The following ZBTB20 variants were observed in gnomAD, a reference collection of about 807,000 sequenced individuals.
The protein encoded by ZBTB20 is zinc finger and BTB domain-containing protein 20.
A neutral mutation model predicts 56.9 loss-of-function variants in ZBTB20; 9 were observed. The observed-to-expected ratio is 0.16, with a 90% CI of 0.10 to 0.28. The LOEUF is 0.28. Ranked by LOEUF, ZBTB20 falls within the 10% of genes least tolerant of loss-of-function variation. The probability of loss-of-function intolerance (pLI) is 1.00; values close to 1 mark genes in which losing one functional copy is unlikely to be tolerated. For missense variants in ZBTB20, 655 were observed against 1,003.0 expected, an observed-to-expected ratio of 0.65 and a Z score of 4.69; for synonymous variants, 417 against 420.7, an observed-to-expected ratio of 0.99 and a Z score of 0.11.
intron 2 of ZBTB20, among the ~76,000 whole-genome samples, chr3:114,975,309 T>C (rs2078052148): frequency 6.6e-6 from 1 of 152,168 alleles, no homozygotes; most frequent in Non-Finnish European, 1.5e-5. Context: ...TGATGCCACA[T>C]TTACTAATAA....
intron 7 of ZBTB20, among the ~76,000 whole-genome samples, chr3:114,422,730 G>A (rs1158068129): frequency 1.3e-5 from 2 of 152,028 alleles, no homozygotes; most frequent in African/African-American, 4.8e-5. Flanking sequence ...TGATTATTTA[G>A]GTAACACTAA....
chr3:114,856,800 G>T (rs1326728214), intron 4 of ZBTB20, among the ~76,000 whole-genome samples: 1 of 152,006 alleles, frequency 6.6e-6, no homozygotes, highest in Non-Finnish European at 1.5e-5. Context: ...ATCTTGTCAG[G>T]GGAGAAGGTT....
At chr3:115,046,585 T>C (rs999788741) in intron 2 of ZBTB20, among the ~76,000 whole-genome samples, 3 of 152,228 alleles carry the variant, frequency 2.0e-5, no homozygotes, top group South Asian at 2.1e-4. Context: ...TTGATATGTA[T>C]GACTTAATAA....
intron 3 of ZBTB20, among the ~76,000 whole-genome samples, chr3:114,909,840 T>C (rs1304909969): frequency 1.3e-5 from 2 of 151,852 alleles, no homozygotes; most frequent in African/African-American, 2.4e-5. Context: ...TAAGTTAATA[T>C]GCTAAAAAGA....
intron 3 of ZBTB20, among the ~76,000 whole-genome samples, chr3:114,949,911 C>T (rs904694219): frequency 1.3e-5 from 2 of 151,892 alleles, no homozygotes; most frequent in Non-Finnish European, 2.9e-5. Context: ...AAAACAGAAA[C>T]AAACCCAACT....
intron 6 of ZBTB20, among the ~76,000 whole-genome samples, chr3:114,504,167 C>T (rs1489135963): frequency 6.6e-6 from 1 of 152,128 alleles, no homozygotes; most frequent in Non-Finnish European, 1.5e-5. Context: ...GTGGTTAGAG[C>T]CACACAGGCT....
chr3:114,750,533 A>T (rs555660871), intron 5 of ZBTB20, among the ~76,000 whole-genome samples: 40 of 152,228 alleles, frequency 2.6e-4, no homozygotes, highest in Non-Finnish European at 5.1e-4. Flanking sequence ...GGCTAGCTGC[A>T]GAAAATACAA....
chr3:114,349,896 C>T (rs1327731609), intron 11 of ZBTB20, among the ~76,000 whole-genome samples: 1 of 152,330 alleles, frequency 6.6e-6, no homozygotes, highest in East Asian at 1.9e-4. Flanking sequence ...TTAGTAGTAG[C>T]TAAGCCTGAA....
chr3:115,140,083 T>C (rs1210573194), intron 1 of ZBTB20, among the ~76,000 whole-genome samples: 1 of 151,950 alleles, frequency 6.6e-6, no homozygotes, highest in South Asian at 2.1e-4. Flanking sequence ...AACAATTCAA[T>C]TGTTGAAGGA....
intron 3 of ZBTB20, among the ~76,000 whole-genome samples, chr3:114,917,959 T>C (rs1286766293): frequency 2.7e-5 from 4 of 150,804 alleles, no homozygotes; most frequent in African/African-American, 7.3e-5. Context: ...GTGTCCTTTT[T>C]TTCATGGCAC....
chr3:114,518,382 A>C (rs1559901128), intron 6 of ZBTB20: 1 of 152,234 alleles, frequency 6.6e-6, no homozygotes, highest in Admixed American at 6.5e-5. Context: ...AATGATTAAA[A>C]CATATTATAA....
intron 6 of ZBTB20, among the ~76,000 whole-genome samples, chr3:114,519,313 T>A (rs1234411600): frequency 6.6e-6 from 1 of 152,218 alleles, no homozygotes; most frequent in African/African-American, 2.4e-5. Context: ...TTCTCTTGTT[T>A]ACAAACTAGT....
intron 5 of ZBTB20, among the ~76,000 whole-genome samples, chr3:114,776,112 C>T (rs1346403002): frequency 6.8e-6 from 1 of 148,132 alleles, no homozygotes; most frequent in Non-Finnish European, 1.5e-5. Context: ...TTTTCTTGGC[C>T]TGGCTGACAG....
intron 3 of ZBTB20, among the ~76,000 whole-genome samples, chr3:114,905,185 C>T (rs1412021816): frequency 1.3e-5 from 2 of 151,936 alleles, no homozygotes; most frequent in Admixed American, 1.3e-4. Context: ...AACTTCACAA[C>T]TTTTAAAATA....
chr3:114,992,558 C>T (rs1287770857), intron 2 of ZBTB20, among the ~76,000 whole-genome samples: 2 of 151,866 alleles, frequency 1.3e-5, no homozygotes, highest in Non-Finnish European at 2.9e-5. Flanking sequence ...TGGGGCTGAA[C>T]TCTTGGTGTC....
At chr3:114,956,759 A>C (rs2107945520) in intron 3 of ZBTB20, among the ~76,000 whole-genome samples, 1 of 152,290 alleles carries the variant, frequency 6.6e-6, no homozygotes, top group Admixed American at 6.5e-5. Flanking sequence ...CATTTTCCTC[A>C]ATCAACAACA....
At chr3:114,358,698 T>C (rs2081495631) in intron 10 of ZBTB20, among the ~76,000 whole-genome samples, 1 of 152,166 alleles carries the variant, frequency 6.6e-6, no homozygotes, top group Non-Finnish European at 1.5e-5. Flanking sequence ...TGGGGGTCAC[T>C]TGAATTTTCA....
At chr3:115,126,594 A>T (rs2084340310) in intron 1 of ZBTB20, among the ~76,000 whole-genome samples, 1 of 152,204 alleles carries the variant, frequency 6.6e-6, no homozygotes, top group Admixed American at 6.5e-5. Context: ...AAAAAAAGCA[A>T]ATTCTAGCAG....
chr3:114,415,577 T>C (rs1264295372), intron 7 of ZBTB20, among the ~76,000 whole-genome samples: 3 of 152,166 alleles, frequency 2.0e-5, no homozygotes, highest in Non-Finnish European at 4.4e-5. Flanking sequence ...GATTCAGTTT[T>C]CATATAAATC....
Sources: allele counts gnomAD v4.1 joint callset (sites outside exome capture counted in the v4.1 genomes callset), GRCh38; gene constraint gnomAD v4.1.1; transcripts MANE v1.5; gene names NCBI Gene and HGNC (gene_info 2026-07-23, HGNC 2026-07-21).